The following ACCSL variants were observed in gnomAD, a reference collection of about 807,000 sequenced individuals.
ACCSL encodes 1-aminocyclopropane-1-carboxylate synthase homolog (inactive) like, also known as probable inactive 1-aminocyclopropane-1-carboxylate synthase-like protein 2.
Under a neutral mutation model 61.7 loss-of-function variants are expected in ACCSL, and 55 were observed. The observed-to-expected ratio is 0.89, with a 90% confidence interval of 0.72 to 1.12. The LOEUF (loss-of-function observed/expected upper bound fraction) is 1.12, where lower values mean the gene tolerates loss of function less well. ACCSL is among the 50% of genes most tolerant of loss of function. The pLI is 0.00. For synonymous variants in ACCSL, 258 were observed against 264.3 expected, an observed-to-expected ratio of 0.98 and a Z score of 0.23; for missense variants, 632 against 698.0, an observed-to-expected ratio of 0.91 and a Z score of 1.07.
the ACCSL span, among the ~76,000 whole-genome samples, chr11:43,928,955 A>G: frequency 6.6e-6 from 1 of 152,210 alleles, no homozygotes; most frequent in Non-Finnish European, 1.5e-5. Flanking sequence ...AAGATGCTTC[A>G]GAGGAAAGAC....
upstream of ACCSL, among the ~76,000 whole-genome samples, chr11:44,044,700 A>G (rs1952589201): frequency 1.3e-5 from 2 of 152,204 alleles, no homozygotes; most frequent in South Asian, 4.1e-4. Flanking sequence ...TATTAGAAGT[A>G]TCCTTCTGTA....
the ACCSL span, among the ~76,000 whole-genome samples, chr11:43,971,712 G>A: frequency 6.6e-6 from 1 of 152,294 alleles, no homozygotes; most frequent in African/African-American, 2.4e-5. Context: ...AGGTGTGAAG[G>A]TCCTGTCCCC....
At chr11:43,946,672 T>G in the ACCSL span, among the ~76,000 whole-genome samples, 1 of 152,196 alleles carries the variant, frequency 6.6e-6, no homozygotes, top group Non-Finnish European at 1.5e-5. Context: ...TTCTATTGAA[T>G]AGATACTCCA....
chr11:44,050,092 AAG>A lies in ACCSL; in HGVS notation c.536_537del (p.Lys179ThrfsTer8). ...GFINLGTSEN[K>X]LCMDLMTERL... is the part of the protein sequence containing the mutation. ...CATTAACCTTGGCACCAGTGAGAAC[AAG>A]CTCTGCATGGATCTGATGACTGAAA... On this transcript the variant is annotated frameshift_variant, in exon 2 of 14. Transcript: ENST00000378832. LOFTEE classifies it high-confidence loss of function. 1 of 1,614,178 alleles carries A rather than the reference AAG, an allele frequency of 6.2e-7. No individual in the cohort carries two copies. Among genetic ancestry groups the A allele is most frequent in the Non-Finnish European group, 8.5e-7 (1 of 1,180,010 alleles).
chr11:43,954,053 C>T, the ACCSL span, among the ~76,000 whole-genome samples: 1 of 152,028 alleles, frequency 6.6e-6, no homozygotes, highest in Non-Finnish European at 1.5e-5. Context: ...GGTGACTTGT[C>T]GTGCAGTTTC....
chr11:44,011,669 A>C, the ACCSL span, among the ~76,000 whole-genome samples: 1 of 152,126 alleles, frequency 6.6e-6, no homozygotes, highest in African/African-American at 2.4e-5. Flanking sequence ...CTCCTCCCCA[A>C]CCAAAAAAAT....
At chr11:44,021,711 G>A in the ACCSL span, among the ~76,000 whole-genome samples, 3 of 152,086 alleles carry the variant, frequency 2.0e-5, no homozygotes, top group African/African-American at 7.2e-5. Flanking sequence ...GTCTAGAAGA[G>A]TTTTTCCAAT....
At chr11:43,922,644 T>C in the ACCSL span, among the ~76,000 whole-genome samples, 2 of 152,222 alleles carry the variant, frequency 1.3e-5, no homozygotes, top group Admixed American at 6.5e-5. Flanking sequence ...CAGCCAACTT[T>C]CCTTGATTTT....
the ACCSL span, among the ~76,000 whole-genome samples, chr11:43,980,064 T>C: frequency 1.3e-5 from 2 of 152,214 alleles, no homozygotes; most frequent in African/African-American, 2.4e-5. Context: ...TCTTGCTGTT[T>C]ATAGAATTGT....
chr11:43,943,184 A>G, the ACCSL span: 16 of 1,512,002 alleles, frequency 1.1e-5, no homozygotes, highest in Non-Finnish European at 1.4e-5. The surrounding 1 kb of genome is among the most constrained non-coding windows in gnomAD (Gnocchi z 4.8). Flanking sequence ...GCGCCGCAGC[A>G]CGCAGAGCCT....
the ACCSL span, among the ~76,000 whole-genome samples, chr11:44,021,360 A>G: frequency 1.3e-5 from 2 of 152,040 alleles, no homozygotes; most frequent in East Asian, 1.9e-4. Context: ...TTGTATTTCC[A>G]TGATAATTAG....
the ACCSL span, among the ~76,000 whole-genome samples, chr11:43,949,347 A>G: frequency 6.6e-6 from 1 of 152,296 alleles, no homozygotes; most frequent in East Asian, 1.9e-4. Flanking sequence ...CTGGGCCTGC[A>G]TCTCTGCATG....
the ACCSL span, among the ~76,000 whole-genome samples, chr11:43,964,588 C>T: frequency 6.6e-6 from 1 of 152,060 alleles, no homozygotes; most frequent in Admixed American, 6.5e-5. Context: ...AAGGAGGGAA[C>T]ACTTTCCGAC....
At chr11:43,980,730 G>A in the ACCSL span, among the ~76,000 whole-genome samples, 3 of 151,870 alleles carry the variant, frequency 2.0e-5, no homozygotes, top group Non-Finnish European at 4.4e-5. Flanking sequence ...TCTGTTTTAC[G>A]GCCATCTATC....
chr11:44,010,825 GA>G, the ACCSL span, among the ~76,000 whole-genome samples: 15 of 152,344 alleles, frequency 9.8e-5, no homozygotes, highest in Middle Eastern at 6.8e-3. Flanking sequence ...GTGTATAACT[GA>G]GTCGGGTCTT....
the ACCSL span, among the ~76,000 whole-genome samples, chr11:43,948,858 G>C: frequency 1.3e-5 from 2 of 152,194 alleles, no homozygotes; most frequent in Non-Finnish European, 2.9e-5. Flanking sequence ...CTCTGGGTTT[G>C]AATCTATTGC....
chr11:43,929,200 G>T, the ACCSL span, among the ~76,000 whole-genome samples: 1 of 152,166 alleles, frequency 6.6e-6, no homozygotes, highest in African/African-American at 2.4e-5. Flanking sequence ...AAGAGCTTGT[G>T]TGGCCTTGAT....
chr11:43,986,089 G>A, the ACCSL span, among the ~76,000 whole-genome samples: 5 of 152,078 alleles, frequency 3.3e-5, no homozygotes, highest in South Asian at 2.1e-4. Flanking sequence ...TATGGGTATC[G>A]GAGAGCCAGA....
At chr11:43,930,580 C>T in the ACCSL span, among the ~76,000 whole-genome samples, 1 of 152,164 alleles carries the variant, frequency 6.6e-6, no homozygotes, top group Non-Finnish European at 1.5e-5. Context: ...GATCCTGCTT[C>T]ACTTTCTACC....
Sources: allele counts gnomAD v4.1 joint callset (sites outside exome capture counted in the v4.1 genomes callset), GRCh38; gene constraint gnomAD v4.1.1; non-coding constraint Gnocchi (gnomAD v3.1); transcripts MANE v1.5; gene names NCBI Gene and HGNC (gene_info 2026-07-23, HGNC 2026-07-21).